The following MBD2 variants were observed in gnomAD, a reference collection of about 807,000 sequenced individuals.
MBD2 encodes methyl-CpG binding domain protein 2, also known as methyl-CpG-binding domain protein 2.
In MBD2, 9 loss-of-function variants were observed where a neutral mutation model predicts 39.3. The ratio of observed to expected loss-of-function variants is 0.23; its 90% confidence interval spans 0.14 to 0.40. The LOEUF (loss-of-function observed/expected upper bound fraction) is 0.40. Among genes scored for constraint, MBD2 ranks in the 10% least tolerant of loss-of-function variants. The pLI is 1.00. For synonymous variants in MBD2, 233 were observed against 211.1 expected, an observed-to-expected ratio of 1.10 and a Z score of -0.90; for missense variants, 458 against 532.6, an observed-to-expected ratio of 0.86 and a Z score of 1.38.
At chr18:54,175,716 C>A (rs1384479211) in intron 3 of MBD2, among the ~76,000 whole-genome samples, 1 of 152,154 alleles carries the variant, frequency 6.6e-6, no homozygotes, top group Non-Finnish European at 1.5e-5. Flanking sequence ...CCAGGCTCTG[C>A]CCCTCTTATT....
intron 2 of MBD2, among the ~76,000 whole-genome samples, chr18:54,189,611 A>G (rs2086306821): frequency 6.6e-6 from 1 of 152,106 alleles, no homozygotes; most frequent in South Asian, 2.1e-4. Flanking sequence ...AAATGAACAA[A>G]TATGTTTAAG....
intron 1 of MBD2, among the ~76,000 whole-genome samples, chr18:54,209,534 G>GT (rs1013328850): frequency 6.6e-6 from 1 of 152,144 alleles, no homozygotes; most frequent in African/African-American, 2.4e-5. Context: ...ATAGCTACAA[G>GT]TATCTATCAT....
intron 3 of MBD2, among the ~76,000 whole-genome samples, chr18:54,185,807 G>A (rs147619322): frequency 4.6e-5 from 7 of 152,048 alleles, no homozygotes; most frequent in African/African-American, 1.7e-4. Flanking sequence ...AAAAATGGCT[G>A]GCTACTACCC....
chr18:54,191,641 T>C (rs189886016), intron 2 of MBD2, among the ~76,000 whole-genome samples: 1 of 152,352 alleles, frequency 6.6e-6, no homozygotes, highest in Non-Finnish European at 1.5e-5. Flanking sequence ...TTGTGACCTC[T>C]ACTTAAAGAA....
intron 2 of MBD2, among the ~76,000 whole-genome samples, chr18:54,202,301 C>G (rs2086414330): frequency 1.3e-5 from 2 of 152,282 alleles, no homozygotes; most frequent in South Asian, 2.1e-4. Flanking sequence ...GCACTCCAGC[C>G]TGGGCGACAG....
intron 2 of MBD2, among the ~76,000 whole-genome samples, chr18:54,196,045 G>A (rs969359933): frequency 4.2e-4 from 64 of 152,200 alleles, no homozygotes; most frequent in African/African-American, 1.4e-3. Flanking sequence ...ACAATTCTTC[G>A]TAAGTTTTTA....
rs1211071727 is a variant in MBD2, at chr18:54,180,897, C to CTTTTTTTTTTTTTTTTTTTT, written c.840+7976_840+7977insAAAAAAAAAAAAAAAAAAAA. On this transcript the variant is annotated intron_variant, in intron 3 of 6. Coordinates refer to ENST00000256429, the MANE Select transcript of MBD2 (RefSeq NM_003927.5). ...CAGCCTATGTATTCCTTAATTTTTT[C>CTTTTTTTTTTTTTTTTTTTT]TTTTTCTTTTTTTTTTTTTTTTTTT... Among the ~76,000 whole-genome samples the CTTTTTTTTTTTTTTTTTTTT allele has an allele frequency of 2.8e-4, 29 of 105,350 alleles. 1 individual carries two copies. The highest frequency in any genetic ancestry group is 3.1e-4 in the Non-Finnish European group (17 of 55,302). 69.1% of individuals were successfully genotyped at this position (105,350 alleles called of 152,430 possible).
intron 3 of MBD2, among the ~76,000 whole-genome samples, chr18:54,184,450 T>C (rs2086270897): frequency 6.6e-6 from 1 of 151,980 alleles, no homozygotes; most frequent in African/African-American, 2.4e-5. Flanking sequence ...CATGGAAAAA[T>C]TGTCTGCCAC....
At position 54,164,708 on chromosome 18, in the gene MBD2, G is replaced by A. The variant is rs534837958; in HGVS notation, c.932-8C>T. ...TGCTACCTGGACCAACTCCTGCAAT[G>A]AGAAACAAGTACTAGTTAAAGGAAA... is the stretch of plus-strand genomic sequence containing the variant. On this transcript the variant is annotated splice_region_variant and splice_polypyrimidine_tract_variant and intron_variant, in intron 4 of 6. Coordinates refer to ENST00000256429, the MANE Select transcript of MBD2 (RefSeq NM_003927.5). The A allele has an allele frequency of 1.3e-6, 2 of 1,594,516 alleles. No individual in the cohort carries two copies. The highest frequency in any genetic ancestry group is 2.7e-5 in the African/African-American group (2 of 74,752).
chr18:54,167,098 A>T (rs1016004911), intron 3 of MBD2, among the ~76,000 whole-genome samples: 2 of 152,162 alleles, frequency 1.3e-5, no homozygotes, highest in East Asian at 1.9e-4. Context: ...GCAGCCAAAA[A>T]AAAACAGATA....
Position 54,202,074 on chromosome 18 carries a change from G to T in MBD2, c.702+2924C>A, listed in dbSNP as rs904949646. 2.0e-5 allele frequency among the ~76,000 whole-genome samples: 3 copies of T among 152,110 alleles called. No individual in the cohort carries two copies. In the South Asian group the frequency reaches 6.2e-4, roughly 32 times the overall value. ...AAAAACAAAACATGTTGGGCGTGGTGTCTCACGCCTGTAATCCCAGCACTT... is the reference window on the plus strand; with the variant it reads ...AAAAACAAAACATGTTGGGCGTGGTTTCTCACGCCTGTAATCCCAGCACTT... On this transcript the variant is annotated intron_variant, in intron 2 of 6. Coordinates refer to ENST00000256429, the MANE Select transcript of MBD2 (RefSeq NM_003927.5).
chr18:54,195,298 C>A (rs2086356583), intron 2 of MBD2, among the ~76,000 whole-genome samples: 1 of 151,946 alleles, frequency 6.6e-6, no homozygotes, highest in Non-Finnish European at 1.5e-5. Flanking sequence ...AGGGTCCAAG[C>A]CTAGTAGACT....
intron 4 of MBD2, among the ~76,000 whole-genome samples, chr18:54,165,153 T>G (rs1485576925): frequency 6.6e-6 from 1 of 152,232 alleles, no homozygotes; most frequent in African/African-American, 2.4e-5. Flanking sequence ...TCCTTGTAGC[T>G]TTTAACATTA....
chr18:54,187,915 A>C (rs1599090740), intron 3 of MBD2: 1 of 954,938 alleles, frequency 1.0e-6, no homozygotes, highest in South Asian at 4.8e-5. Flanking sequence ...ACTGTCTGAA[A>C]GTTTTGGCCC....
chr18:54,158,994 C>T (rs757361732), intron 6 of MBD2, among the ~76,000 whole-genome samples: 1 of 152,160 alleles, frequency 6.6e-6, no homozygotes, highest in Non-Finnish European at 1.5e-5. Context: ...GTTCTCCCTG[C>T]ATCAAATCTG....
intron 2 of MBD2, among the ~76,000 whole-genome samples, chr18:54,189,778 TAG>T (rs1378726438): frequency 6.6e-6 from 1 of 151,876 alleles, no homozygotes; most frequent in Non-Finnish European, 1.5e-5. Flanking sequence ...GCCTCCCGAG[TAG>T]CTGGGACTAT....
At position 54,216,246 on chromosome 18, in the gene MBD2, A is replaced by G. The variant is rs190277383; in HGVS notation, c.542+7772T>C. 1.0e-3 allele frequency among the ~76,000 whole-genome samples: 152 copies of G among 152,340 alleles called. 2 individuals carry two copies. Among genetic ancestry groups the G allele is most frequent in the Admixed American group, 3.4e-3 (52 of 15,302 alleles). ...ACACTACACACACACAAGTTTGAGG[A>G]AAAAAATTACATTTACTTCAGCTAT... On this transcript the variant is annotated intron_variant, in intron 1 of 6. Coordinates refer to ENST00000256429, the MANE Select transcript of MBD2 (RefSeq NM_003927.5).
intron 2 of MBD2, among the ~76,000 whole-genome samples, chr18:54,200,627 A>G (rs1308273526): frequency 6.6e-6 from 1 of 152,208 alleles, no homozygotes; most frequent in Non-Finnish European, 1.5e-5. Flanking sequence ...TTGAAAAATC[A>G]AACATAAATC....
At chr18:54,171,378 C>T (rs1413762087) in intron 3 of MBD2, among the ~76,000 whole-genome samples, 1 of 151,584 alleles carries the variant, frequency 6.6e-6, no homozygotes, top group Non-Finnish European at 1.5e-5. Context: ...GCCTGGGTGA[C>T]AGAGCAAAAC....
Sources: gnomAD v4.1 joint callset for allele counts (sites outside exome capture counted in the v4.1 genomes callset) on GRCh38, gnomAD v4.1.1 for gene constraint, MANE v1.5 for transcripts, NCBI Gene and HGNC (gene_info 2026-07-23, HGNC 2026-07-21) for gene names.